Variants in SLC9A9 observed in about 807,000 individuals in gnomAD.
SLC9A9 encodes the protein sodium/hydrogen exchanger 9.
A neutral mutation model predicts 77.8 loss-of-function variants in SLC9A9; 62 were observed. The observed-to-expected ratio is 0.80, with a 90% CI of 0.65 to 0.98. The LOEUF (loss-of-function observed/expected upper bound fraction) is 0.98, where lower values mean the gene tolerates loss of function less well. Among genes scored for constraint, SLC9A9 ranks in the 50% least tolerant of loss-of-function variants. The pLI, the probability that SLC9A9 is intolerant of heterozygous loss-of-function variation, is 0.00. For synonymous variants in SLC9A9, 320 were observed against 283.5 expected, an observed-to-expected ratio of 1.13 and a Z score of -1.29; for missense variants, 775 against 774.9, an observed-to-expected ratio of 1.00 and a Z score of 0.00.
At chr3:143,420,403 A>G (rs992862581) in intron 12 of SLC9A9, among the ~76,000 whole-genome samples, 8 of 152,216 alleles carry the variant, frequency 5.3e-5, no homozygotes, top group Non-Finnish European at 1.2e-4. Context: ...TTTCTTAAAA[A>G]GATCCTTTCT....
At chr3:143,790,889 A>C (rs2008197777) in intron 4 of SLC9A9, among the ~76,000 whole-genome samples, 1 of 152,214 alleles carries the variant, frequency 6.6e-6, no homozygotes, top group Non-Finnish European at 1.5e-5. Flanking sequence ...TTCCTCATTA[A>C]CAGAGAAACT....
chr3:143,731,915 A>T (rs965224280), intron 4 of SLC9A9, among the ~76,000 whole-genome samples: 2 of 152,228 alleles, frequency 1.3e-5, no homozygotes, highest in African/African-American at 4.8e-5. Context: ...ATTGTGCTCC[A>T]GTGACTCTTT....
chr3:143,766,939 T>C (rs1267945079), intron 4 of SLC9A9, among the ~76,000 whole-genome samples: 1 of 152,154 alleles, frequency 6.6e-6, no homozygotes, highest in African/African-American at 2.4e-5. Flanking sequence ...AGTATACTAG[T>C]TATTGTTTTG....
At chr3:143,333,613 C>A (rs2031839712) in intron 14 of SLC9A9, among the ~76,000 whole-genome samples, 2 of 152,224 alleles carry the variant, frequency 1.3e-5, no homozygotes, top group African/African-American at 4.8e-5. Context: ...GGGCATGCTA[C>A]TGCAACCAGG....
chr3:143,352,490 G>C (rs2032483940), intron 14 of SLC9A9, among the ~76,000 whole-genome samples: 1 of 152,150 alleles, frequency 6.6e-6, no homozygotes, highest in Admixed American at 6.5e-5. Context: ...GGATGTGTCT[G>C]TTTCCTTTGG....
At chr3:143,375,568 T>C (rs963560448) in intron 13 of SLC9A9, among the ~76,000 whole-genome samples, 1 of 152,180 alleles carries the variant, frequency 6.6e-6, no homozygotes, top group African/African-American at 2.4e-5. Context: ...AATCATGTGG[T>C]GCACAGCTAA....
At chr3:143,571,909 C>T (rs567277239) in intron 8 of SLC9A9, among the ~76,000 whole-genome samples, 1 of 152,304 alleles carries the variant, frequency 6.6e-6, no homozygotes, top group East Asian at 1.9e-4. Context: ...TTGGACTAAG[C>T]GGTCTTGGTC....
intron 9 of SLC9A9, among the ~76,000 whole-genome samples, chr3:143,543,699 T>C (rs979199218): frequency 1.8e-4 from 24 of 136,988 alleles, no homozygotes; most frequent in South Asian, 2.3e-4. Flanking sequence ...GCTGCATCCA[T>C]GTTGCTGCAA....
chr3:143,839,828 T>A (rs1488326638), intron 1 of SLC9A9, among the ~76,000 whole-genome samples: 2 of 152,222 alleles, frequency 1.3e-5, no homozygotes, highest in Non-Finnish European at 2.9e-5. Context: ...AAATGGTTTC[T>A]TACTTTGTAA....
intron 12 of SLC9A9, among the ~76,000 whole-genome samples, chr3:143,453,147 T>TA (rs1480673251): frequency 6.6e-6 from 1 of 152,104 alleles, no homozygotes; most frequent in African/African-American, 2.4e-5. Flanking sequence ...GACCATTTTT[T>TA]AGCTACAAAT....
intron 14 of SLC9A9, among the ~76,000 whole-genome samples, chr3:143,352,928 C>T (rs2032497867): frequency 6.6e-6 from 1 of 152,200 alleles, no homozygotes; most frequent in Non-Finnish European, 1.5e-5. Context: ...TGGCTCTGTG[C>T]TTAAAGTGCT....
chr3:143,491,543 G>T (rs1342758396), intron 11 of SLC9A9, among the ~76,000 whole-genome samples: 2 of 152,050 alleles, frequency 1.3e-5, no homozygotes, highest in African/African-American at 4.8e-5. Context: ...GAATATCATA[G>T]AAATAAATTC....
intron 14 of SLC9A9, among the ~76,000 whole-genome samples, chr3:143,323,176 G>A (rs988074505): frequency 6.6e-6 from 1 of 152,156 alleles, no homozygotes; most frequent in African/African-American, 2.4e-5. Flanking sequence ...AACAATTTCT[G>A]AAAAAACTGA....
At position 143,265,920 on chromosome 3, in the gene SLC9A9, T is replaced by A. The variant is rs1295499883; in HGVS notation, c.*782A>T. ...GGGGACCTGCTGCACAGCCAAGAAGTGACTCACATGCAGGCAAGGACGGGA... is the reference window on the plus strand; with the variant it reads ...GGGGACCTGCTGCACAGCCAAGAAGAGACTCACATGCAGGCAAGGACGGGA... On this transcript the variant is annotated 3_prime_UTR_variant, in exon 16 of 16. Coordinates refer to ENST00000316549, the MANE Select transcript of SLC9A9 (RefSeq NM_173653.4). The A allele has an allele frequency of 6.4e-6, 4 of 627,836 alleles. No individual in the cohort carries two copies. Among genetic ancestry groups the A allele is most frequent in the Middle Eastern group, 4.1e-4 (1 of 2,454 alleles). 38.9% of individuals were successfully genotyped at this position (627,836 alleles called of 1,614,324 possible).
chr3:143,438,083 G>T (rs1357033583), intron 12 of SLC9A9, among the ~76,000 whole-genome samples: 1 of 152,192 alleles, frequency 6.6e-6, no homozygotes, highest in Non-Finnish European at 1.5e-5. Flanking sequence ...AGGCCAGGCT[G>T]GGACAAAACA....
intron 12 of SLC9A9, among the ~76,000 whole-genome samples, chr3:143,420,009 T>C (rs1182738295): frequency 1.3e-5 from 2 of 152,164 alleles, no homozygotes; most frequent in African/African-American, 4.8e-5. Flanking sequence ...CTTTTAGCAA[T>C]TTTGTCTCTT....
intron 4 of SLC9A9, among the ~76,000 whole-genome samples, chr3:143,727,443 G>A (rs1327215331): frequency 6.6e-6 from 1 of 152,132 alleles, no homozygotes; most frequent in Non-Finnish European, 1.5e-5. Flanking sequence ...TGTCCCCTTT[G>A]AATTACAAGC....
chr3:143,643,033 T>C (rs1260294684), intron 6 of SLC9A9, among the ~76,000 whole-genome samples: 4 of 152,288 alleles, frequency 2.6e-5, no homozygotes, highest in Middle Eastern at 3.4e-3. Flanking sequence ...TTGTTTTGCT[T>C]ATCTCCTTTC....
chr3:143,809,730 A>C (rs980443253), intron 2 of SLC9A9, among the ~76,000 whole-genome samples: 1 of 152,228 alleles, frequency 6.6e-6, no homozygotes, highest in Non-Finnish European at 1.5e-5. Context: ...AATCTTATGG[A>C]CAAGCACTGC....
Sources: gnomAD v4.1 joint callset for allele counts (sites outside exome capture counted in the v4.1 genomes callset) on GRCh38, gnomAD v4.1.1 for gene constraint, MANE v1.5 for transcripts, NCBI Gene and HGNC (gene_info 2026-07-23, HGNC 2026-07-21) for gene names.